Variants in MME observed in about 807,000 individuals in gnomAD.
MME encodes membrane metalloendopeptidase.
A neutral mutation model predicts 113.2 loss-of-function variants in MME; 98 were observed. The ratio of observed to expected loss-of-function variants is 0.87; its 90% CI spans 0.74 to 1.02. MME has a LOEUF of 1.02. Ranked by LOEUF, MME falls within the 50% of genes least tolerant of loss-of-function variation. The pLI is 0.00. For synonymous variants in MME, 292 were observed against 300.6 expected (o/e 0.97, Z 0.30); for missense variants, 836 against 896.0 (o/e 0.93, Z 0.86).
intron 8 of MME, among the ~76,000 whole-genome samples, chr3:155,126,207 C>T (rs114401986): frequency 1.8e-4 from 27 of 152,202 alleles, no homozygotes; most frequent in African/African-American, 6.5e-4. Context: ...CAGCTGCTTT[C>T]TGTTACAGAT....
At position 155,137,951 on chromosome 3, in the gene MME, C is replaced by A. The variant is rs147265849; in HGVS notation, c.721-151C>A. On this transcript the variant is annotated intron_variant, in intron 8 of 22. Transcript: ENST00000360490. Reference sequence around the variant, plus strand: ...TATATTGACTGTCTAAGAATCTGTGCAGGTCATTTCTTTAAATACTTAGAA... The same window carrying A: ...TATATTGACTGTCTAAGAATCTGTGAAGGTCATTTCTTTAAATACTTAGAA... The A allele has an allele frequency of 7.4e-5, 61 of 827,738 alleles. No individual in the cohort carries two copies. In the African/African-American group the frequency reaches 9.2e-4, roughly 12 times the overall value. The allele number at this position is 827,738 out of a possible 1,614,324, so 51.3% of individuals were successfully genotyped here.
chr3:155,161,378 T>A (rs1357642623), intron 17 of MME, among the ~76,000 whole-genome samples: 1 of 152,082 alleles, frequency 6.6e-6, no homozygotes, highest in African/African-American at 2.4e-5. Flanking sequence ...GAGATGATAA[T>A]CTCAGCATTA....
chr3:155,085,654 C>T (rs1450861903), intron 3 of MME: 1 of 152,666 alleles, frequency 6.6e-6, no homozygotes, highest in Non-Finnish European at 1.5e-5. Context: ...GCCTCAGCCT[C>T]CCAAGTAGCT....
chr3:155,040,100 C>G (rs1713258598), intron 1 of MME, among the ~76,000 whole-genome samples: 1 of 152,030 alleles, frequency 6.6e-6, no homozygotes, highest in South Asian at 2.1e-4. Flanking sequence ...CCAAGGCCAG[C>G]TGGATAAATT....
rs199766114 is a variant in MME at position 155,165,136 on chromosome 3, GT to G, written c.1661-1757del. Reference sequence around the variant, plus strand: ...ACTTAATAGGTATTGATACTGAAGGGTTTTTTTTTAATTACAGAAAGTAACG... The same window carrying G: ...ACTTAATAGGTATTGATACTGAAGGGTTTTTTTTAATTACAGAAAGTAACG... On this transcript the variant is annotated intron_variant, in intron 17 of 22. Transcript: ENST00000360490. 1.3e-4 allele frequency among the ~76,000 whole-genome samples: 19 copies of G among 151,566 alleles called. No homozygotes were observed. In the East Asian group the frequency reaches 1.5e-3, roughly 12 times the overall value.
intron 1 of MME, among the ~76,000 whole-genome samples, chr3:155,035,212 T>C (rs552614091): frequency 2.7e-5 from 4 of 150,532 alleles, no homozygotes; most frequent in South Asian, 2.1e-4. Context: ...TAAGTACATA[T>C]TTATTTAGTA....
chr3:155,101,572 C>T (rs532665962), intron 3 of MME, among the ~76,000 whole-genome samples: 2 of 152,182 alleles, frequency 1.3e-5, no homozygotes, highest in Non-Finnish European at 2.9e-5. Context: ...TCATTCCCCA[C>T]TTCTGGAAAA....
chr3:155,076,948 T>C (rs943753764), upstream of MME, among the ~76,000 whole-genome samples: 1 of 152,230 alleles, frequency 6.6e-6, no homozygotes, highest in African/African-American at 2.4e-5. Flanking sequence ...TTGGTTTTGG[T>C]AGGTTTTGGC....
At chr3:155,085,391 T>G (rs543314589) in intron 3 of MME, 1 of 229,412 alleles carries the variant, frequency 4.4e-6, no homozygotes, top group Non-Finnish European at 8.4e-6. Flanking sequence ...TGAACACATA[T>G]GAAATGGTAA....
At chr3:155,114,187 G>C (rs1305399033) in intron 3 of MME, among the ~76,000 whole-genome samples, 1 of 152,094 alleles carries the variant, frequency 6.6e-6, no homozygotes, top group East Asian at 1.9e-4. Flanking sequence ...AAGTGGGGAG[G>C]GCAGGAGCAG....
intron 8 of MME, among the ~76,000 whole-genome samples, chr3:155,125,609 C>T (rs1181682318): frequency 6.6e-6 from 1 of 151,360 alleles, no homozygotes; most frequent in Non-Finnish European, 1.5e-5. Flanking sequence ...TACAGGTGCC[C>T]GCCACCGCGC....
Position 155,103,869 on chromosome 3 carries a change from G to GCATACATGCAAATT in MME, c.197-11124_197-11123insATACATGCAAATTC, listed in dbSNP as rs572169793. ...CATAACACACAAATTCAAATTCCTA[G>GCATACATGCAAATT]CCAGCTCACGCATACATGCATAAAC... On this transcript the variant is annotated intron_variant, in intron 3 of 22. Transcript: ENST00000360490. Among the ~76,000 whole-genome samples the GCATACATGCAAATT allele has an allele frequency of 9.2e-5, 14 of 152,168 alleles. 1 individual carries two copies. In the South Asian group the frequency reaches 2.9e-3, roughly 32 times the overall value.
chr3:155,180,545 T>G lies in MME; in HGVS notation c.*86T>G. ...TCTCTAATCGAAAGAAAATGGGCCC[T>G]AGGGGTCACTGTACTGACTTGAGGG... On this transcript the variant is annotated 3_prime_UTR_variant, in exon 23 of 23. Coordinates refer to ENST00000360490, the MANE Select transcript of MME (RefSeq NM_007289.4). The G allele has an allele frequency of 3.5e-3, 2,809 of 804,570 alleles. No homozygotes were observed. The highest frequency in any genetic ancestry group is 5.3e-3 in the Non-Finnish European group (2,443 of 463,368). The allele number at this position is 804,570 out of a possible 1,614,324, so 49.8% of individuals were successfully genotyped here.
At chr3:155,176,846 T>G (rs1056422490) in intron 22 of MME, among the ~76,000 whole-genome samples, 29 of 152,068 alleles carry the variant, frequency 1.9e-4, no homozygotes, top group African/African-American at 7.0e-4. Context: ...GATGATCTAT[T>G]CAAAGATTTG....
At position 155,180,464 on chromosome 3, in the gene MME, CA is replaced by C; in HGVS notation, c.*9del. The C allele has an allele frequency of 6.2e-7, 1 of 1,609,500 alleles. No homozygotes were observed. The highest frequency in any genetic ancestry group is 1.1e-5 in the South Asian group (1 of 90,986). On this transcript the variant is annotated 3_prime_UTR_variant, in exon 23 of 23. Coordinates refer to ENST00000360490, the MANE Select transcript of MME (RefSeq NM_007289.4). ...AAGAAGTGCCGGGTTTGGTGATCTTCAAAAGAAGCATTGCAGCCCTTGGCTA... is the reference window on the plus strand; with the variant it reads ...AAGAAGTGCCGGGTTTGGTGATCTTCAAAGAAGCATTGCAGCCCTTGGCTA...
At chr3:155,126,768 G>A (rs1342707607) in intron 8 of MME, among the ~76,000 whole-genome samples, 1 of 152,042 alleles carries the variant, frequency 6.6e-6, no homozygotes, top group African/African-American at 2.4e-5. Context: ...GGGAGGCCAA[G>A]GCGGGTGGAT....
At chr3:155,071,889 C>T (rs1321479803) in intron 1 of MME, among the ~76,000 whole-genome samples, 6 of 152,136 alleles carry the variant, frequency 3.9e-5, no homozygotes, top group East Asian at 1.9e-4. Context: ...CGGCCGGGCG[C>T]GGTGGCTCAC....
At chr3:155,039,042 ATCT>A (rs778760419) in intron 1 of MME, among the ~76,000 whole-genome samples, 3 of 152,176 alleles carry the variant, frequency 2.0e-5, no homozygotes, top group Non-Finnish European at 4.4e-5. Context: ...CCATACTGTG[ATCT>A]TCTTATTTTA....
intron 3 of MME, among the ~76,000 whole-genome samples, chr3:155,096,054 A>G (rs1716710249): frequency 6.6e-6 from 1 of 152,198 alleles, no homozygotes. Context: ...GCAAGAGCTC[A>G]GGAAGTTTAG....
Sources: gnomAD v4.1 joint callset for allele counts (sites outside exome capture counted in the v4.1 genomes callset) on GRCh38, gnomAD v4.1.1 for gene constraint, MANE v1.5 for transcripts, NCBI Gene and HGNC (gene_info 2026-07-23, HGNC 2026-07-21) for gene names.